The following CNIH3 variants were observed in gnomAD, a reference collection of about 807,000 sequenced individuals.
The protein encoded by CNIH3 is cornichon family AMPA receptor auxiliary protein 3.
A neutral mutation model predicts 24.1 loss-of-function variants in CNIH3; 14 were observed. That is an observed-to-expected ratio of 0.58 (90% CI 0.38 to 0.91). The LOEUF (loss-of-function observed/expected upper bound fraction) is 0.91, where lower values mean the gene tolerates loss of function less well. Among genes scored for constraint, CNIH3 ranks in the 40% least tolerant of loss-of-function variants. The probability of loss-of-function intolerance (pLI) is 0.00; values close to 1 mark genes in which losing one functional copy is unlikely to be tolerated. For synonymous variants in CNIH3, 68 were observed against 73.8 expected, an observed-to-expected ratio of 0.92 and a Z score of 0.40; for missense variants, 178 against 196.8, an observed-to-expected ratio of 0.90 and a Z score of 0.57.
At chr1:224,669,563 G>T (rs1211132361) in intron 1 of CNIH3, among the ~76,000 whole-genome samples, 1 of 152,186 alleles carries the variant, frequency 6.6e-6, no homozygotes, top group Non-Finnish European at 1.5e-5. Flanking sequence ...GCAGTGACTG[G>T]ATTCTCCTGA....
intron 3 of CNIH3, among the ~76,000 whole-genome samples, chr1:224,597,486 A>G (rs965944578): frequency 1.3e-5 from 2 of 152,198 alleles, no homozygotes; most frequent in Non-Finnish European, 2.9e-5. Context: ...CTTTGGTCCA[A>G]TCACATTTCT....
intron 1 of CNIH3, among the ~76,000 whole-genome samples, chr1:224,649,046 CA>C (rs1183677658): frequency 2.0e-5 from 3 of 152,308 alleles, no homozygotes; most frequent in South Asian, 4.1e-4. Context: ...TTATGGGGCT[CA>C]CCAGTTGCAC....
chr1:224,733,276 C>G (rs1689428286), intron 4 of CNIH3, among the ~76,000 whole-genome samples: 1 of 152,188 alleles, frequency 6.6e-6, no homozygotes, highest in Non-Finnish European at 1.5e-5. Context: ...CAAGGAAAGT[C>G]AATGTGGTGA....
At chr1:224,614,585 G>A (rs1218981047), upstream of CNIH3, among the ~76,000 whole-genome samples, 1 of 152,108 alleles carries the variant, frequency 6.6e-6, no homozygotes, top group Non-Finnish European at 1.5e-5. Flanking sequence ...AGGCTACAGT[G>A]AGCTATGATA....
chr1:224,636,784 G>A (rs1243201513), intron 1 of CNIH3, among the ~76,000 whole-genome samples: 1 of 151,952 alleles, frequency 6.6e-6, no homozygotes, highest in Admixed American at 6.6e-5. Flanking sequence ...TAAAAAAAGC[G>A]GTACACATAT....
intron 4 of CNIH3, among the ~76,000 whole-genome samples, chr1:224,569,974 G>A (rs896790626): frequency 2.0e-5 from 3 of 151,922 alleles, no homozygotes; most frequent in African/African-American, 2.4e-5. Context: ...AGTAGACATG[G>A]GGTTTCACCA....
intron 1 of CNIH3, among the ~76,000 whole-genome samples, chr1:224,462,580 C>T (rs574109956): frequency 1.6e-4 from 25 of 151,546 alleles, no homozygotes; most frequent in African/African-American, 5.1e-4. Context: ...GCAATCCGCC[C>T]GCCTTGGCCT....
At chr1:224,705,246 T>C (rs1489774255) in intron 3 of CNIH3, among the ~76,000 whole-genome samples, 3 of 152,218 alleles carry the variant, frequency 2.0e-5, no homozygotes, top group Non-Finnish European at 2.9e-5. Flanking sequence ...CGAATGCAGG[T>C]AGTTTTTAAA....
chr1:224,459,647 A>G (rs979687147), intron 1 of CNIH3, among the ~76,000 whole-genome samples: 2 of 152,096 alleles, frequency 1.3e-5, no homozygotes, highest in East Asian at 1.9e-4. Context: ...TCATAAGCAC[A>G]TAGATAGTAG....
downstream of CNIH3, among the ~76,000 whole-genome samples, chr1:224,593,236 A>G (rs1480099190): frequency 1.3e-5 from 2 of 150,230 alleles, no homozygotes; most frequent in Non-Finnish European, 1.5e-5. Context: ...GCTCACTGCA[A>G]CCTCCATCTC....
intron 1 of CNIH3, among the ~76,000 whole-genome samples, chr1:224,474,389 A>G (rs1676485087): frequency 6.6e-6 from 1 of 151,934 alleles, no homozygotes; most frequent in Admixed American, 6.6e-5. Context: ...AAAGTTTTTC[A>G]AGAAAAAGTT....
Position 224,734,574 on chromosome 1 carries a change from G to C in CNIH3, c.323G>C (p.Cys108Ser), listed in dbSNP as rs1392013688. ...CTCTCTCCCTGCAGGTATTTCCACTGTCCAGCAGATAGCTCAGAACTAGCC... is the reference window on the plus strand; with the variant it reads ...CTCTCTCCCTGCAGGTATTTCCACTCTCCAGCAGATAGCTCAGAACTAGCC... ...LFYHFWRYFH[C>S]PADSSELAYD... Residue 108 changes from cysteine to serine, a missense_variant, in exon 5 of 6, where the codon TGT becomes TCT. Transcript: ENST00000272133. 8 of 1,614,082 alleles carry C rather than the reference G, an allele frequency of 5.0e-6. No homozygotes were observed. In the African/African-American group the frequency reaches 9.3e-5, roughly 19 times the overall value.
At chr1:224,473,539 A>G (rs1255772103) in intron 1 of CNIH3, among the ~76,000 whole-genome samples, 1 of 152,254 alleles carries the variant, frequency 6.6e-6, no homozygotes, top group Admixed American at 6.5e-5. Context: ...TACAAAAACT[A>G]TAAAAAGCGA....
chr1:224,709,276 T>C (rs2125194958), intron 3 of CNIH3, among the ~76,000 whole-genome samples: 2 of 152,292 alleles, frequency 1.3e-5, no homozygotes, highest in South Asian at 4.1e-4. Context: ...TCTCTCTCTC[T>C]CTTGAATTCC....
At chr1:224,694,541 A>G (rs1026366513) in intron 3 of CNIH3, among the ~76,000 whole-genome samples, 1 of 152,154 alleles carries the variant, frequency 6.6e-6, no homozygotes, top group African/African-American at 2.4e-5. Flanking sequence ...GTGATCAAAC[A>G]TTGTTCTGGT....
chr1:224,467,803 T>C (rs1000455382), intron 1 of CNIH3, among the ~76,000 whole-genome samples: 3 of 152,080 alleles, frequency 2.0e-5, no homozygotes, highest in African/African-American at 7.2e-5. Flanking sequence ...TTTTTTTTTT[T>C]TCCAAAAGTT....
intron 3 of CNIH3, among the ~76,000 whole-genome samples, chr1:224,718,076 C>G (rs1282162989): frequency 6.6e-6 from 1 of 152,164 alleles, no homozygotes; most frequent in Non-Finnish European, 1.5e-5. Flanking sequence ...ATGAAAAAGA[C>G]AAGCTGCCCT....
chr1:224,652,779 G>C lies in CNIH3; in HGVS notation c.82-28179G>C, dbSNP rs187420580. On this transcript the variant is annotated intron_variant, in intron 1 of 5. Coordinates refer to ENST00000272133, the MANE Select transcript of CNIH3 (RefSeq NM_152495.2). ...CCCATGGAAGCAAAACTAAATCCAG[G>C]TTGCACGAATTGGTGGGGCTGAGGC... Among the ~76,000 whole-genome samples the C allele has an allele frequency of 2.2e-3, 341 of 152,330 alleles. 2 individuals are homozygous for C. Among genetic ancestry groups the C allele is most frequent in the African/African-American group, 7.9e-3 (328 of 41,580 alleles).
At chr1:224,619,661 A>G (rs938923007) in intron 1 of CNIH3, among the ~76,000 whole-genome samples, 2 of 152,114 alleles carry the variant, frequency 1.3e-5, no homozygotes, top group Admixed American at 1.3e-4. Context: ...AATTATTTCA[A>G]CCAAAATTGA....
Sources: gnomAD v4.1 joint callset for allele counts (sites outside exome capture counted in the v4.1 genomes callset) on GRCh38, gnomAD v4.1.1 for gene constraint, MANE v1.5 for transcripts, NCBI Gene and HGNC (gene_info 2026-07-23, HGNC 2026-07-21) for gene names.